Variants in ASB12 observed in about 807,000 individuals in gnomAD.
ASB12 encodes ankyrin repeat and SOCS box protein 12.
A neutral mutation model predicts 13.7 loss-of-function variants in ASB12; 17 were observed. The ratio of observed to expected loss-of-function variants is 1.24; its 90% CI spans 0.85 to 1.86. The LOEUF (loss-of-function observed/expected upper bound fraction) is 1.86. Ranked by LOEUF, ASB12 falls within the 40% of genes most tolerant of loss-of-function variation. The pLI, the probability that ASB12 is intolerant of heterozygous loss-of-function variation, is 0.00. For missense variants in ASB12, 329 were observed against 250.5 expected, an observed-to-expected ratio of 1.31 and a Z score of -2.11; for synonymous variants, 107 against 99.8, an observed-to-expected ratio of 1.07 and a Z score of -0.43.
At chrX:64,228,676 G>A (rs1302415158) in intron 1 of ASB12, among the ~76,000 whole-genome samples, 1 of 111,605 alleles carries the variant, frequency 9.0e-6, no homozygotes, top group Non-Finnish European at 1.9e-5. Context: ...ATTTTCTAAG[G>A]CTATTGCTCC....
At position 64,225,418 on chromosome X, in the gene ASB12, C is replaced by T. The variant is rs145118752; in HGVS notation, c.233G>A (p.Arg78His). ...CAAGTGGCCATAAGAAGCAGCCAAG[C>T]GCAAGGGTGTCCCAGGAACACCCCA... ...SGWGVPGTPL[R>H]LAASYGHLSC... Residue 78 changes from arginine (R) to histidine (H), a missense_variant, in exon 2 of 3, where the codon CGC becomes CAC. Arg to His is a conservative substitution (Grantham distance 29). Transcript: ENST00000362002. The T allele has an allele frequency of 4.0e-4, 481 of 1,207,247 alleles. 5 individuals are homozygous for T. The East Asian group carries it at 0.012, about 29-fold the overall frequency.
At position 64,224,251 on chromosome X, in the gene ASB12, T is replaced by A; in HGVS notation, c.*84A>T. 1 of 1,033,428 alleles carries A rather than the reference T, an allele frequency of 9.7e-7. No homozygotes were observed. Among genetic ancestry groups the A allele is most frequent in the Non-Finnish European group, 1.3e-6 (1 of 743,916 alleles). 85.2% of individuals were successfully genotyped at this position (1,033,428 alleles called of 1,213,427 possible). A position where few individuals can be genotyped will look rare whatever the true frequency, so the allele number is the denominator to read the frequency against. ...ATACAGGAGAGCAGCTCCAGGTAAG[T>A]GGATGAGGCTGTAATGCTCTCCAGC... On this transcript the variant is annotated 3_prime_UTR_variant, in exon 3 of 3. Transcript: ENST00000362002.
At chrX:64,228,086 C>A (rs1364774607) in intron 1 of ASB12, among the ~76,000 whole-genome samples, 1 of 112,224 alleles carries the variant, frequency 8.9e-6, no homozygotes, top group Non-Finnish European at 1.9e-5. Context: ...TCTACCAATC[C>A]TCTGTTTTAA....
At position 64,225,491 on chromosome X, in the gene ASB12, G is replaced by T. The variant is rs752211741; in HGVS notation, c.160C>A (p.Leu54Ile). The change falls in exon 2 of 3, where the codon CTT becomes ATT. Residue 54 changes from leucine to isoleucine, a missense_variant. Coordinates refer to ENST00000362002, the MANE Select transcript of ASB12 (RefSeq NM_130388.4). ...CGTTTGTAACGCTCCTGGCGCAAAA[G>T]CTGGTCCAAAGTATAGGAGTCGTTG... ...YDNDSYTLDQ[L>I]LRQERYKRFI... is the part of the protein sequence containing the mutation. 7.4e-6 allele frequency: 9 copies of T among 1,209,278 alleles called. No individual in the cohort carries two copies. The East Asian group carries it at 2.4e-4, about 32-fold the overall frequency.
chrX:64,229,745 A>C (rs1931019071), intron 1 of ASB12, among the ~76,000 whole-genome samples: 1 of 112,535 alleles, frequency 8.9e-6, no homozygotes, highest in Non-Finnish European at 1.9e-5. Context: ...GTAATAAATG[A>C]CATTTCAAGA....
chrX:64,229,987 CT>C (rs1931024572), intron 1 of ASB12, among the ~76,000 whole-genome samples: 1 of 111,620 alleles, frequency 9.0e-6, no homozygotes, highest in Admixed American at 9.5e-5. Flanking sequence ...AGGTTAAGTA[CT>C]CCCACAGGAA....
chrX:64,224,323 G>A lies in ASB12; in HGVS notation c.*12C>T. ...TTCGGAGGCATCATAAGTTCCTGGG[G>A]AGACTGCAAGATTACAGTTGGTGTT... On this transcript the variant is annotated 3_prime_UTR_variant, in exon 3 of 3. Transcript: ENST00000362002. The A allele has an allele frequency of 8.3e-7, 1 of 1,209,881 alleles. No individual in the cohort carries two copies. Among genetic ancestry groups the A allele is most frequent in the Non-Finnish European group, 1.1e-6 (1 of 894,146 alleles).
chrX:64,227,748 C>T (rs1454178366), intron 1 of ASB12, among the ~76,000 whole-genome samples: 1 of 112,197 alleles, frequency 8.9e-6, no homozygotes. Context: ...TATCACATCA[C>T]CACCACTACC....
chrX:64,229,530 T>C (rs1012067455), intron 1 of ASB12, among the ~76,000 whole-genome samples: 1 of 112,410 alleles, frequency 8.9e-6, no homozygotes, highest in Non-Finnish European at 1.9e-5. Flanking sequence ...TTAAACCTTT[T>C]TTTTTGTGAT....
intron 2 of ASB12, 120 bp from the exon 3 acceptor site, chrX:64,224,588 A>G (rs1296187734): frequency 3.9e-5 from 36 of 918,827 alleles, no homozygotes; most frequent in Non-Finnish European, 5.0e-5. Context: ...CAAGAAATAA[A>G]CAGTCATTGG....
In ASB12 at chrX:64,229,281, C is replaced by T. The variant is rs776185403; in HGVS notation, c.-25+1182G>A. Among the ~76,000 whole-genome samples, 20 of 111,884 alleles carry T rather than the reference C, an allele frequency of 1.8e-4. No homozygotes were observed. The East Asian group carries it at 4.8e-3, about 27-fold the overall frequency. On this transcript the variant is annotated intron_variant, in intron 1 of 2. Coordinates refer to ENST00000362002, the MANE Select transcript of ASB12 (RefSeq NM_130388.4). Reference sequence around the variant, plus strand: ...GCAGAGGGAAGTGCTGAAGTTCTTGCTAAGGTTCATACCAAGAGCCCACAG... The same window carrying T: ...GCAGAGGGAAGTGCTGAAGTTCTTGTTAAGGTTCATACCAAGAGCCCACAG...
chrX:64,227,262 C>G (rs914233566), intron 1 of ASB12, among the ~76,000 whole-genome samples: 1 of 111,363 alleles, frequency 9.0e-6, no homozygotes, highest in African/African-American at 3.3e-5. Flanking sequence ...TTCTATGGTC[C>G]TTTGTCCCAC....
chrX:64,227,811 C>T (rs1930976549), intron 1 of ASB12, among the ~76,000 whole-genome samples: 1 of 111,644 alleles, frequency 9.0e-6, no homozygotes, highest in Non-Finnish European at 1.9e-5. Context: ...ACCTGGTCAA[C>T]CAAACCAAAA....
chrX:64,229,629 A>G (rs942933305), intron 1 of ASB12, among the ~76,000 whole-genome samples: 28 of 112,425 alleles, frequency 2.5e-4, no homozygotes, highest in African/African-American at 9.1e-4. Flanking sequence ...AAGGAAACCA[A>G]TTATATTAAA....
At chrX:64,226,256 C>T (rs1262799566) in intron 1 of ASB12, among the ~76,000 whole-genome samples, 4 of 112,374 alleles carry the variant, frequency 3.6e-5, no homozygotes, top group African/African-American at 1.3e-4. Context: ...CCCTTAACTC[C>T]ATTTTCAGAT....
chrX:64,224,537 A>G, intron 2 of ASB12, 69 bp from the exon 3 acceptor site: 1 of 1,063,322 alleles, frequency 9.4e-7, no homozygotes, highest in Non-Finnish European at 1.3e-6. Context: ...GCCTACATCC[A>G]CTCTCCACTG....
rs754982702 is a variant in ASB12 at position 64,224,300 on chromosome X, C to T, written c.*35G>A. 3.3e-5 allele frequency: 40 copies of T among 1,201,172 alleles called. No individual in the cohort carries two copies. Among genetic ancestry groups the T allele is most frequent in the South Asian group, 2.5e-4 (14 of 56,088 alleles). Reference sequence around the variant, plus strand: ...GCTACGTGAGTCCCCAGGTGGTTTTCGGAGGCATCATAAGTTCCTGGGGAG... The same window carrying T: ...GCTACGTGAGTCCCCAGGTGGTTTTTGGAGGCATCATAAGTTCCTGGGGAG... On this transcript the variant is annotated 3_prime_UTR_variant, in exon 3 of 3. Coordinates refer to ENST00000362002, the MANE Select transcript of ASB12 (RefSeq NM_130388.4).
chrX:64,227,781 A>G (rs1435865995), intron 1 of ASB12, among the ~76,000 whole-genome samples: 3 of 111,798 alleles, frequency 2.7e-5, no homozygotes, highest in African/African-American at 6.5e-5. Flanking sequence ...CTTGATCCAT[A>G]TATCATTTCC....
chrX:64,227,714 C>A (rs1930974947), intron 1 of ASB12, among the ~76,000 whole-genome samples: 1 of 112,136 alleles, frequency 8.9e-6, no homozygotes, highest in Admixed American at 9.5e-5. Context: ...CACTGAGTTT[C>A]TTCAAGCACT....
Sources: gnomAD v4.1 joint callset for allele counts (sites outside exome capture counted in the v4.1 genomes callset) on GRCh38, gnomAD v4.1.1 for gene constraint, MANE v1.5 for transcripts, NCBI Gene and HGNC (gene_info 2026-07-23, HGNC 2026-07-21) for gene names.